Variants in KCNQ3 observed in about 807,000 individuals in gnomAD.
KCNQ3 encodes potassium voltage-gated channel subfamily KQT member 3.
KCNQ3 carries 30 observed loss-of-function variants against 92.5 expected under a neutral mutation model. The ratio of observed to expected loss-of-function variants is 0.32; its 90% CI spans 0.24 to 0.44. KCNQ3 has a LOEUF of 0.44. Ranked by LOEUF, KCNQ3 falls within the 20% of genes least tolerant of loss-of-function variation. The probability of loss-of-function intolerance (pLI) is 1.00; values close to 1 mark genes in which losing one functional copy is unlikely to be tolerated. For synonymous variants in KCNQ3, 450 were observed against 468.8 expected (o/e 0.96, Z 0.52); for missense variants, 913 against 1,140.3 (o/e 0.80, Z 2.87).
chr8:132,210,530 AAC>A (rs144831215), intron 1 of KCNQ3, among the ~76,000 whole-genome samples: 2,712 of 152,322 alleles, frequency 0.018, 91 homozygotes, highest in African/African-American at 0.062. Flanking sequence ...CAGTTAAAAC[AAC>A]ACACAGTTAT....
intron 1 of KCNQ3, among the ~76,000 whole-genome samples, chr8:132,407,286 G>C (rs1586993171): frequency 6.6e-6 from 1 of 152,310 alleles, no homozygotes; most frequent in Middle Eastern, 3.4e-3. Flanking sequence ...TGGTCTTTCA[G>C]TGGCAGCGGA....
intron 1 of KCNQ3, among the ~76,000 whole-genome samples, chr8:132,398,935 C>T (rs1461752391): frequency 6.6e-6 from 1 of 152,220 alleles, no homozygotes; most frequent in African/African-American, 2.4e-5. Context: ...GTGGTGAGCC[C>T]AGGCATCACA....
Position 132,136,239 on chromosome 8 carries a change from G to T in KCNQ3, c.1700+1646C>A, listed in dbSNP as rs115399132. ...GTCAGTGTGATGTTCCTGTTCTCTA[G>T]CAGGACACTCCAGTGGGACAACATC... On this transcript the variant is annotated intron_variant, in intron 12 of 14. Coordinates refer to ENST00000388996, the MANE Select transcript of KCNQ3 (RefSeq NM_004519.4). 4.5e-3 allele frequency among the ~76,000 whole-genome samples: 679 copies of T among 151,084 alleles called. 7 individuals are homozygous for T. The highest frequency in any genetic ancestry group is 0.016 in the African/African-American group (651 of 41,142).
At chr8:132,303,999 A>G (rs1817340267) in intron 1 of KCNQ3, among the ~76,000 whole-genome samples, 1 of 152,128 alleles carries the variant, frequency 6.6e-6, no homozygotes, top group African/African-American at 2.4e-5. Flanking sequence ...TGCCTTTTGC[A>G]GCAACATGGA....
At chr8:132,294,943 T>C (rs1430890397) in intron 1 of KCNQ3, among the ~76,000 whole-genome samples, 1 of 152,124 alleles carries the variant, frequency 6.6e-6, no homozygotes, top group Non-Finnish European at 1.5e-5. Context: ...ACAAAAACCC[T>C]AGAAGAAAAT....
At chr8:132,372,784 A>C (rs1293805700) in intron 1 of KCNQ3, among the ~76,000 whole-genome samples, 2 of 149,568 alleles carry the variant, frequency 1.3e-5, no homozygotes, top group Non-Finnish European at 3.0e-5. Context: ...AAAAAAAAAA[A>C]CGCTTAGAGC....
At chr8:132,452,278 C>T (rs750407371) in intron 1 of KCNQ3, among the ~76,000 whole-genome samples, 10 of 152,264 alleles carry the variant, frequency 6.6e-5, no homozygotes, top group South Asian at 4.1e-4. Flanking sequence ...TGGCAACCAC[C>T]GCCCCACTCT....
chr8:132,291,117 A>T (rs997822348), intron 1 of KCNQ3, among the ~76,000 whole-genome samples: 6 of 152,224 alleles, frequency 3.9e-5, no homozygotes, highest in Non-Finnish European at 8.8e-5. Context: ...AGTAAGCCAG[A>T]CTAGGGTGGG....
intron 12 of KCNQ3, among the ~76,000 whole-genome samples, chr8:132,137,636 G>C (rs906012402): frequency 2.6e-5 from 4 of 152,158 alleles, no homozygotes; most frequent in African/African-American, 9.7e-5. Context: ...CCATTTAAAT[G>C]TGTGCTTTCT....
At chr8:132,133,735 C>T (rs1318285543) in intron 13 of KCNQ3, among the ~76,000 whole-genome samples, 1 of 152,220 alleles carries the variant, frequency 6.6e-6, no homozygotes, top group African/African-American at 2.4e-5. Context: ...GCCTTGAAGA[C>T]ATTTGGGAAT....
chr8:132,283,093 G>T (rs944990401), intron 1 of KCNQ3, among the ~76,000 whole-genome samples: 49 of 104,316 alleles, frequency 4.7e-4, no homozygotes, highest in African/African-American at 2.6e-3. Context: ...TCTCTCTCTC[G>T]TGTGTGTGTG....
At chr8:132,249,614 G>C (rs973648886) in intron 1 of KCNQ3, among the ~76,000 whole-genome samples, 2 of 152,222 alleles carry the variant, frequency 1.3e-5, no homozygotes, top group Non-Finnish European at 1.5e-5. Flanking sequence ...TCCTGCACCG[G>C]GGCCACAGGC....
At chr8:132,146,796 C>T (rs538238294) in intron 9 of KCNQ3, among the ~76,000 whole-genome samples, 60 of 152,072 alleles carry the variant, frequency 3.9e-4, no homozygotes, top group African/African-American at 1.4e-3. Context: ...GCCATGCTGG[C>T]CAGATTAGTT....
At chr8:132,165,804 A>G (rs1826127502) in intron 8 of KCNQ3, among the ~76,000 whole-genome samples, 1 of 152,254 alleles carries the variant, frequency 6.6e-6, no homozygotes, top group African/African-American at 2.4e-5. Flanking sequence ...AAGCAAGCTA[A>G]TTAATCTCAT....
At chr8:132,244,536 AG>A (rs1210122924) in intron 1 of KCNQ3, among the ~76,000 whole-genome samples, 10 of 152,334 alleles carry the variant, frequency 6.6e-5, no homozygotes, top group African/African-American at 2.4e-4. Flanking sequence ...AAAGATCAAA[AG>A]AATGAAAAGG....
At chr8:132,354,581 C>A (rs1377643552) in intron 1 of KCNQ3, among the ~76,000 whole-genome samples, 3 of 152,230 alleles carry the variant, frequency 2.0e-5, no homozygotes, top group Non-Finnish European at 4.4e-5. Flanking sequence ...ACCCTCTCCC[C>A]TGAACAATGC....
chr8:132,471,630 G>A (rs11985442), intron 1 of KCNQ3, among the ~76,000 whole-genome samples: 228 of 152,234 alleles, frequency 1.5e-3, no homozygotes, highest in African/African-American at 5.2e-3. Context: ...ACTCAAGATG[G>A]ATTAAAGACT....
At chr8:132,332,376 A>T (rs956485306) in intron 1 of KCNQ3, among the ~76,000 whole-genome samples, 6 of 152,148 alleles carry the variant, frequency 3.9e-5, no homozygotes, top group African/African-American at 1.2e-4. Context: ...GCTGGCCAGA[A>T]ATGCATTAGG....
intron 1 of KCNQ3, among the ~76,000 whole-genome samples, chr8:132,229,010 C>T (rs1387304903): frequency 6.6e-6 from 1 of 152,144 alleles, no homozygotes; most frequent in Non-Finnish European, 1.5e-5. Context: ...AATCCCAGCA[C>T]TTTGGGAGGC....
Sources: allele counts gnomAD v4.1 joint callset (sites outside exome capture counted in the v4.1 genomes callset), GRCh38; gene constraint gnomAD v4.1.1; transcripts MANE v1.5; gene names NCBI Gene and HGNC (gene_info 2026-07-23, HGNC 2026-07-21).